IGFBP5: variants seen among roughly 807,000 people sequenced by gnomAD.
IGFBP5 encodes the protein insulin like growth factor binding protein 5.
In IGFBP5, 12 loss-of-function variants were observed where a neutral mutation model predicts 28.0. The ratio of observed to expected loss-of-function variants is 0.43; its 90% CI spans 0.27 to 0.69. IGFBP5 has a LOEUF of 0.69. IGFBP5 is among the 30% of genes least tolerant of loss of function. IGFBP5 has a pLI of 0.20. For synonymous variants in IGFBP5, 152 were observed against 150.2 expected (o/e 1.01, Z -0.09); for missense variants, 344 against 381.6 (o/e 0.90, Z 0.82).
At position 216,694,658 on chromosome 2, in the gene IGFBP5, G is replaced by C. The variant is rs1047516241; in HGVS notation, c.118C>G (p.Pro40Ala). The stretch of plus-strand genomic sequence containing the variant: ...ACCAGCTCGCAGCCCAGGGGGCTGG[G>C]GGGGCACATGGAGAGGGCTTTCTCG... ...CDEKALSMCPPSPLGCELVKE... is the reference protein window; with the variant it reads ...CDEKALSMCPASPLGCELVKE... The change falls in exon 1 of 4, where the codon CCC (proline) becomes GCC (alanine). Residue 40 changes from proline (P) to alanine (A), a missense_variant. Pro to Ala is a conservative substitution (Grantham distance 27). This residue lies in a region of IGFBP5 where 304 missense variants were observed against 329.2 expected (regional missense o/e 0.92). Transcript: ENST00000233813. The surrounding 1 kb of genome is among the most constrained non-coding windows in gnomAD (Gnocchi z 5.2). The C allele has an allele frequency of 6.5e-7, 1 of 1,527,212 alleles. No individual in the cohort carries two copies. Among genetic ancestry groups the C allele is most frequent in the Non-Finnish European group, 8.8e-7 (1 of 1,140,478 alleles). The allele number at this position is 1,527,212 out of a possible 1,614,324, so 94.6% of individuals were successfully genotyped here. A position where few individuals can be genotyped will look rare whatever the true frequency, so the allele number is the denominator to read the frequency against.
rs951743448 is a variant in IGFBP5 at position 216,682,505 on chromosome 2, G to A, written c.338-3426C>T. On this transcript the variant is annotated intron_variant, in intron 1 of 3. Transcript: ENST00000233813. ...TGGAGCTATTTCATCAAGAGAAAAT[G>A]AACTGAGGTTGCAGAAGGGATCTAG... 5.9e-5 allele frequency among the ~76,000 whole-genome samples: 9 copies of A among 152,192 alleles called. No individual in the cohort carries two copies. The East Asian group carries it at 1.7e-3, about 29-fold the overall frequency.
chr2:216,672,754 C>A lies in IGFBP5; in HGVS notation c.*3997G>T, dbSNP rs1044263268. 5 of 152,542 alleles carry A rather than the reference C, an allele frequency of 3.3e-5. No homozygotes were observed. The highest frequency in any genetic ancestry group is 7.4e-5 in the Non-Finnish European group (5 of 68,020). 9.4% of individuals were successfully genotyped at this position (152,542 alleles called of 1,614,324 possible). ...CCCTCCCCACCTTCCCTTTCCCCAT[C>A]CAAAAGGATTTCAGGAGAGGAGGCC... is the stretch of plus-strand genomic sequence containing the variant. On this transcript the variant is annotated 3_prime_UTR_variant, in exon 4 of 4. Transcript: ENST00000233813.
At chr2:216,676,911 G>A in intron 3 of IGFBP5, 29 bp from the exon 4 acceptor site, 7 of 1,611,354 alleles carry the variant, frequency 4.3e-6, no homozygotes, top group Non-Finnish European at 5.9e-6. Context: ...CAGGCGGTGA[G>A]GACGGCCGCA....
At chr2:216,686,894 C>T (rs1056175526) in intron 1 of IGFBP5, among the ~76,000 whole-genome samples, 5 of 151,944 alleles carry the variant, frequency 3.3e-5, no homozygotes, top group African/African-American at 7.2e-5. Flanking sequence ...TTACTTTCTT[C>T]TTCCTCTTTC....
intron 3 of IGFBP5, among the ~76,000 whole-genome samples, chr2:216,677,838 G>C (rs1309940219): frequency 6.6e-6 from 1 of 152,232 alleles, no homozygotes; most frequent in Admixed American, 6.5e-5. Context: ...CTGTGCGATA[G>C]TGTTACAGAG....
intron 1 of IGFBP5, among the ~76,000 whole-genome samples, chr2:216,686,338 A>T (rs1475323124): frequency 2.6e-5 from 4 of 152,240 alleles, no homozygotes; most frequent in Non-Finnish European, 5.9e-5. Flanking sequence ...GAATAGGTAC[A>T]GCAAACTGTG....
chr2:216,680,380 T>A (rs1688958960), intron 1 of IGFBP5, among the ~76,000 whole-genome samples: 1 of 151,968 alleles, frequency 6.6e-6, no homozygotes, highest in African/African-American at 2.4e-5. Context: ...AAGAAGTGGG[T>A]AGAATTCCAG....
rs536747172 is a variant in IGFBP5 at position 216,679,250 on chromosome 2, G to T, written c.338-171C>A. 3 of 650,948 alleles carry T rather than the reference G, an allele frequency of 4.6e-6. No homozygotes were observed. The African/African-American group carries it at 5.4e-5, about 12-fold the overall frequency. The allele number at this position is 650,948 out of a possible 1,614,324, so 40.3% of individuals were successfully genotyped here. A position where few individuals can be genotyped will look rare whatever the true frequency, so the allele number is the denominator to read the frequency against. ...GGGGATAAGAACCAGGAAGCAGAGG[G>T]AATGCTCATTTAAGTGGCAGGAAGT... On this transcript the variant is annotated intron_variant, in intron 1 of 3. Transcript: ENST00000233813. This position sits in a 1 kb window ranked among gnomAD's most constrained non-coding sequence, Gnocchi z 4.6.
chr2:216,686,716 G>C (rs1305471679), intron 1 of IGFBP5, among the ~76,000 whole-genome samples: 1 of 146,168 alleles, frequency 6.8e-6, no homozygotes, highest in African/African-American at 2.6e-5. Flanking sequence ...CGCCAGGCTG[G>C]AGTGCAGTGG....
At position 216,678,949 on chromosome 2, in the gene IGFBP5, G is replaced by T. The variant is rs746314798; in HGVS notation, c.468C>A (p.Arg156=). Residue 156 remains arginine, a synonymous_variant, in exon 2 of 4, where the codon CGC becomes CGA. Coordinates refer to ENST00000233813, the MANE Select transcript of IGFBP5 (RefSeq NM_000599.4). The part of the protein sequence containing the change: ...ELKAEAVKKD[R]RKKLTQSKFV... ...ACTTGGACTGGGTCAGCTTCTTTCT[G>T]CGGTCCTTCTTCACTGCTTCAGCCT... is the stretch of plus-strand genomic sequence containing the variant. 1 of 1,614,082 alleles carries T rather than the reference G, an allele frequency of 6.2e-7. No individual in the cohort carries two copies. The highest frequency in any genetic ancestry group is 1.1e-5 in the South Asian group (1 of 91,074).
chr2:216,684,518 GCC>G (rs1369793432), intron 1 of IGFBP5, among the ~76,000 whole-genome samples: 4 of 152,062 alleles, frequency 2.6e-5, no homozygotes, highest in African/African-American at 9.7e-5. Context: ...GCTTTGCCAG[GCC>G]ACCCAGACCT....
At chr2:216,680,923 C>T (rs1021215255) in intron 1 of IGFBP5, among the ~76,000 whole-genome samples, 5 of 152,134 alleles carry the variant, frequency 3.3e-5, no homozygotes, top group African/African-American at 7.2e-5. Flanking sequence ...CCTGCTGTGA[C>T]GACTCATCAA....
At chr2:216,682,399 G>A (rs1330046356) in intron 1 of IGFBP5, among the ~76,000 whole-genome samples, 2 of 152,186 alleles carry the variant, frequency 1.3e-5, no homozygotes, top group African/African-American at 4.8e-5. Flanking sequence ...CTGCTCTGTG[G>A]CTGAGTCATA....
intron 1 of IGFBP5, among the ~76,000 whole-genome samples, chr2:216,687,403 A>C (rs1019735302): frequency 2.6e-5 from 4 of 152,180 alleles, no homozygotes; most frequent in Admixed American, 1.3e-4. Context: ...GACACCTCAC[A>C]GAGTAAGGGG....
At chr2:216,678,668 GCCCT>G in intron 2 of IGFBP5, 178 bp downstream of exon 2, 1 of 607,574 alleles carries the variant, frequency 1.6e-6, no homozygotes, top group Non-Finnish European at 2.9e-6. Context: ...ACTTGCACAA[GCCCT>G]TGGCCCTGAC....
At chr2:216,693,838 C>A (rs1689132405) in intron 1 of IGFBP5, among the ~76,000 whole-genome samples, 1 of 151,838 alleles carries the variant, frequency 6.6e-6, no homozygotes, top group Non-Finnish European at 1.5e-5. Context: ...CTTCAGGGCT[C>A]CCACCCGAAA....
chr2:216,692,004 G>A lies in IGFBP5; in HGVS notation c.337+2435C>T, dbSNP rs969494226. Among the ~76,000 whole-genome samples the A allele has an allele frequency of 6.6e-6, 1 of 151,756 alleles. No homozygotes were observed. The highest frequency in any genetic ancestry group is 2.4e-5 in the African/African-American group (1 of 41,264). On this transcript the variant is annotated intron_variant, in intron 1 of 3. Coordinates refer to ENST00000233813, the MANE Select transcript of IGFBP5 (RefSeq NM_000599.4). The surrounding 1 kb of genome is among the most constrained non-coding windows in gnomAD (Gnocchi z 4.2). ...AGGAATTTTGGCTAAAGGACCAAAA[G>A]GGCACTCTCCCTCTCTCTGTCCATT...
Position 216,694,684 on chromosome 2 carries a change from T to C in IGFBP5, c.92A>G (p.Asp31Gly), listed in dbSNP as rs778834706. ...GGGGCACATGGAGAGGGCTTTCTCG[T>C]CGCAGGGCTCGCAGTGCACGAAGGA... The part of the protein sequence containing the change: ...LGSFVHCEPC[D>G]EKALSMCPPS... Residue 31 changes from aspartate (D) to glycine (G), a missense_variant, in exon 1 of 4, where the codon GAC becomes GGC. Physicochemically the swap from Asp to Gly is moderately conservative, Grantham distance 94 (BLOSUM62 -1). Transcript: ENST00000233813. This position sits in a 1 kb window ranked among gnomAD's most constrained non-coding sequence, Gnocchi z 5.2. 1 of 1,513,588 alleles carries C rather than the reference T, an allele frequency of 6.6e-7. No individual in the cohort carries two copies. Among genetic ancestry groups the C allele is most frequent in the Non-Finnish European group, 8.8e-7 (1 of 1,134,824 alleles). 93.8% of individuals were successfully genotyped at this position (1,513,588 alleles called of 1,614,324 possible). A position where few individuals can be genotyped will look rare whatever the true frequency, so the allele number is the denominator to read the frequency against.
At position 216,676,645 on chromosome 2, in the gene IGFBP5, C is replaced by T; in HGVS notation, c.*106G>A. 2 of 696,400 alleles carry T rather than the reference C, an allele frequency of 2.9e-6. No individual in the cohort carries two copies. Among genetic ancestry groups the T allele is most frequent in the Non-Finnish European group, 4.8e-6 (2 of 413,730 alleles). The allele number at this position is 696,400 out of a possible 1,614,324, so 43.1% of individuals were successfully genotyped here. Reference sequence around the variant, plus strand: ...CTCAAATAGATAGATATATATTTTTCCCTTAAATGAGATGAAATGAGTGGC... The same window carrying T: ...CTCAAATAGATAGATATATATTTTTTCCTTAAATGAGATGAAATGAGTGGC... On this transcript the variant is annotated 3_prime_UTR_variant, in exon 4 of 4. Transcript: ENST00000233813.
Sources: allele counts gnomAD v4.1 joint callset (sites outside exome capture counted in the v4.1 genomes callset), GRCh38; gene constraint gnomAD v4.1.1; regional missense constraint gnomAD v4.1.1; non-coding constraint Gnocchi (gnomAD v3.1); transcripts MANE v1.5; gene names NCBI Gene and HGNC (gene_info 2026-07-23, HGNC 2026-07-21).